Variants in THEMIS observed in about 807,000 individuals in gnomAD.
THEMIS encodes protein THEMIS.
Under a neutral mutation model 52.6 loss-of-function variants are expected in THEMIS, and 37 were observed. That is an observed-to-expected ratio of 0.70 (90% CI 0.54 to 0.93). The LOEUF (loss-of-function observed/expected upper bound fraction) is 0.93. THEMIS is among the 40% of genes least tolerant of loss of function. The pLI, the probability that THEMIS is intolerant of heterozygous loss-of-function variation, is 0.00. For synonymous variants in THEMIS, 292 were observed against 272.7 expected (o/e 1.07, Z -0.70); for missense variants, 808 against 763.1 (o/e 1.06, Z -0.69).
chr6:127,850,538 T>C (rs1252992627), intron 2 of THEMIS, among the ~76,000 whole-genome samples: 2 of 151,914 alleles, frequency 1.3e-5, no homozygotes, highest in Non-Finnish European at 1.5e-5. Context: ...ATATACACCA[T>C]GGAATATTAC....
intron 4 of THEMIS, among the ~76,000 whole-genome samples, chr6:127,778,259 C>A (rs1313568747): frequency 6.6e-6 from 1 of 152,062 alleles, no homozygotes; most frequent in Non-Finnish European, 1.5e-5. Flanking sequence ...TGACAATCTT[C>A]CCTATAGCAC....
rs151243685 is a variant in THEMIS, at chr6:127,894,072, G to C, written c.91+6770C>G. ...TCAAAAAAATTTTGATGAAATAAAA[G>C]ACAGAAATGAAGAGTGAACCAGATA... On this transcript the variant is annotated intron_variant, in intron 1 of 5. Coordinates refer to ENST00000368248, the MANE Select transcript of THEMIS (RefSeq NM_001010923.3). Among the ~76,000 whole-genome samples, 208 of 152,062 alleles carry C rather than the reference G, an allele frequency of 1.4e-3. 5 individuals are homozygous for C. In the East Asian group the frequency reaches 0.032, roughly 23 times the overall value.
rs7775259 is a variant in THEMIS at position 127,736,243 on chromosome 6, A to G, written c.1759-16420T>C. Among the ~76,000 whole-genome samples the G allele has an allele frequency of 6.0e-3, 911 of 152,272 alleles. 6 individuals are homozygous for G. The highest frequency in any genetic ancestry group is 0.02 in the African/African-American group (848 of 41,566). On this transcript the variant is annotated intron_variant, in intron 4 of 5. Transcript: ENST00000368248. ...ATTTAGAGAAAATTGTTTTTATTAT[A>G]TATAATTTATAAATTCAGTGGAGAG...
At chr6:127,858,553 A>G (rs757287796) in intron 1 of THEMIS, among the ~76,000 whole-genome samples, 1 of 152,064 alleles carries the variant, frequency 6.6e-6, no homozygotes, top group Non-Finnish European at 1.5e-5. Context: ...CTTAAAATAT[A>G]TTTTTTCCTT....
intron 1 of THEMIS, among the ~76,000 whole-genome samples, chr6:127,907,700 A>G (rs1781311187): frequency 6.6e-6 from 1 of 152,020 alleles, no homozygotes; most frequent in Admixed American, 6.6e-5. Context: ...TACCCAAAAG[A>G]GAAGGAATGG....
intron 1 of THEMIS, among the ~76,000 whole-genome samples, chr6:127,907,125 C>T (rs187708430): frequency 1.2e-4 from 18 of 151,982 alleles, no homozygotes; most frequent in Non-Finnish European, 2.4e-4. Context: ...ATTATTCTGA[C>T]TGGTATCTAA....
chr6:127,817,587 G>A (rs1437838616), intron 3 of THEMIS, among the ~76,000 whole-genome samples: 1 of 152,114 alleles, frequency 6.6e-6, no homozygotes, highest in African/African-American at 2.4e-5. Context: ...GATGCCTAAA[G>A]AGAAGATTCA....
At chr6:127,757,796 T>G (rs1775885381) in intron 4 of THEMIS, among the ~76,000 whole-genome samples, 1 of 152,122 alleles carries the variant, frequency 6.6e-6, no homozygotes, top group African/African-American at 2.4e-5. Flanking sequence ...ATATCACATT[T>G]TATTGGCCAA....
intron 4 of THEMIS, among the ~76,000 whole-genome samples, chr6:127,728,029 C>T (rs1158181308): frequency 6.6e-6 from 1 of 152,172 alleles, no homozygotes; most frequent in Non-Finnish European, 1.5e-5. Flanking sequence ...CAGGATCCCT[C>T]TCCATTTTGC....
At chr6:127,851,644 T>C (rs1779429358) in intron 2 of THEMIS, among the ~76,000 whole-genome samples, 1 of 151,752 alleles carries the variant, frequency 6.6e-6, no homozygotes, top group Admixed American at 6.6e-5. Context: ...TGATATACCA[T>C]AGGCGTCTAC....
chr6:127,874,617 C>G (rs529064972), intron 1 of THEMIS, among the ~76,000 whole-genome samples: 1 of 152,050 alleles, frequency 6.6e-6, no homozygotes, highest in Non-Finnish European at 1.5e-5. Flanking sequence ...TAAGTGGACC[C>G]ACAAAATTCA....
intron 1 of THEMIS, among the ~76,000 whole-genome samples, chr6:127,889,148 G>A (rs1780730924): frequency 6.6e-6 from 1 of 152,010 alleles, no homozygotes; most frequent in Admixed American, 6.6e-5. Context: ...TTTTGACATA[G>A]TCTACCATGA....
At chr6:127,735,318 C>CGT (rs147119256) in intron 4 of THEMIS, among the ~76,000 whole-genome samples, 2,597 of 140,968 alleles carry the variant, frequency 0.018, 67 homozygotes, top group African/African-American at 0.057. Context: ...GGCGTGTGTG[C>CGT]GTGTGTGTGT....
chr6:127,820,317 G>A (rs1447339060), intron 3 of THEMIS, among the ~76,000 whole-genome samples: 2 of 151,996 alleles, frequency 1.3e-5, no homozygotes, highest in Non-Finnish European at 2.9e-5. Flanking sequence ...CTTTAAGAAT[G>A]AAAAGAAATT....
chr6:127,772,059 G>A (rs146546510), intron 4 of THEMIS, among the ~76,000 whole-genome samples: 11 of 152,010 alleles, frequency 7.2e-5, no homozygotes, highest in South Asian at 2.1e-4. Flanking sequence ...TGTCTCTGCC[G>A]CATTCTTCTA....
Position 127,767,427 on chromosome 6 carries a change from T to C in THEMIS, c.1758+45456A>G, listed in dbSNP as rs114523859. On this transcript the variant is annotated intron_variant, in intron 4 of 5. Transcript: ENST00000368248. ...TTTATATCCTTGTTCTATAAGCTTT[T>C]TTTTCAATGTTTAAAATTTTTATTT... Among the ~76,000 whole-genome samples the C allele has an allele frequency of 5.5e-3, 840 of 152,250 alleles. 8 individuals carry two copies. The highest frequency in any genetic ancestry group is 0.019 in the African/African-American group (804 of 41,546).
At chr6:127,836,365 A>G (rs1257123340) in intron 2 of THEMIS, among the ~76,000 whole-genome samples, 2 of 152,168 alleles carry the variant, frequency 1.3e-5, no homozygotes, top group East Asian at 3.9e-4. Flanking sequence ...TGAAGGGTGA[A>G]AACAGCAGCA....
intron 4 of THEMIS, among the ~76,000 whole-genome samples, chr6:127,750,212 A>T (rs957340582): frequency 2.6e-5 from 4 of 151,506 alleles, no homozygotes; most frequent in African/African-American, 9.7e-5. Flanking sequence ...TACTCTAATT[A>T]ATAACATATT....
chr6:127,900,724 A>G (rs770845237), intron 1 of THEMIS, 118 bp downstream of exon 1: 2 of 858,048 alleles, frequency 2.3e-6, no homozygotes, highest in East Asian at 2.5e-5. Flanking sequence ...TTCTTTTGTG[A>G]TCGCCTTTCC....
Sources: gnomAD v4.1 joint callset for allele counts (sites outside exome capture counted in the v4.1 genomes callset) on GRCh38, gnomAD v4.1.1 for gene constraint, MANE v1.5 for transcripts, NCBI Gene and HGNC (gene_info 2026-07-23, HGNC 2026-07-21) for gene names.